CCDC171: variants seen among roughly 807,000 people sequenced by gnomAD.
The protein encoded by CCDC171 is coiled-coil domain-containing protein 171.
A neutral mutation model predicts 168.2 loss-of-function variants in CCDC171; 177 were observed. The observed-to-expected ratio is 1.05, with a 90% CI of 0.93 to 1.19. The LOEUF (loss-of-function observed/expected upper bound fraction) is 1.19, where lower values mean the gene tolerates loss of function less well. Ranked by LOEUF, CCDC171 falls within the 50% of genes most tolerant of loss-of-function variation. CCDC171 has a pLI of 0.00. For synonymous variants in CCDC171, 687 were observed against 540.8 expected, an observed-to-expected ratio of 1.27 and a Z score of -3.75; for missense variants, 1,991 against 1,539.0, an observed-to-expected ratio of 1.29 and a Z score of -4.91.
intron 7 of CCDC171, among the ~76,000 whole-genome samples, chr9:15,656,297 G>A (rs2047926181): frequency 1.3e-5 from 2 of 151,792 alleles, no homozygotes; most frequent in Non-Finnish European, 2.9e-5. Flanking sequence ...ATTCCAGCCT[G>A]GGTGACAGAG....
chr9:15,988,785 C>T (rs1425087182), intron 3 of CCDC171, among the ~76,000 whole-genome samples: 4 of 152,194 alleles, frequency 2.6e-5, no homozygotes, highest in South Asian at 4.1e-4. Context: ...GATTATATCC[C>T]GCGCCTGGCT....
At chr9:15,856,168 AT>A (rs1171389352) in intron 23 of CCDC171, among the ~76,000 whole-genome samples, 1 of 151,882 alleles carries the variant, frequency 6.6e-6, no homozygotes, top group East Asian at 1.9e-4. Flanking sequence ...AAAAATTTTA[AT>A]TTTATTGTGG....
At chr9:15,664,975 G>C (rs1384891582) in intron 8 of CCDC171, among the ~76,000 whole-genome samples, 1 of 152,048 alleles carries the variant, frequency 6.6e-6, no homozygotes, top group Non-Finnish European at 1.5e-5. Context: ...GTTTTAAAAT[G>C]TCTTTTTATG....
chr9:15,932,183 C>T (rs1054832108), intron 25 of CCDC171, among the ~76,000 whole-genome samples: 1 of 151,832 alleles, frequency 6.6e-6, no homozygotes, highest in African/African-American at 2.4e-5. Flanking sequence ...TGCATTACAT[C>T]TATAGATCAC....
chr9:15,910,732 T>G (rs1479012956), intron 24 of CCDC171, among the ~76,000 whole-genome samples: 1 of 151,892 alleles, frequency 6.6e-6, no homozygotes, highest in Non-Finnish European at 1.5e-5. Flanking sequence ...GTGTGTGATG[T>G]TCCCCTCCCT....
At chr9:16,084,711 T>C in the CCDC171 span, among the ~76,000 whole-genome samples, 1 of 152,120 alleles carries the variant, frequency 6.6e-6, no homozygotes, top group African/African-American at 2.4e-5. Flanking sequence ...TGAGATAAAC[T>C]CTGTCAATTC....
chr9:15,815,231 G>A (rs985351066), intron 21 of CCDC171, among the ~76,000 whole-genome samples: 12 of 151,988 alleles, frequency 7.9e-5, no homozygotes, highest in African/African-American at 1.5e-4. Context: ...CTAGCCGCCC[G>A]TATCATTCCT....
chr9:15,576,975 A>AGGCT (rs1178591508), intron 3 of CCDC171, among the ~76,000 whole-genome samples: 1 of 152,172 alleles, frequency 6.6e-6, no homozygotes, highest in East Asian at 1.9e-4. Context: ...CAGAAAGGAG[A>AGGCT]GGCTGCTTTT....
chr9:15,968,196 G>A (rs923377421), intron 25 of CCDC171, among the ~76,000 whole-genome samples: 1 of 152,204 alleles, frequency 6.6e-6, no homozygotes, highest in East Asian at 1.9e-4. Flanking sequence ...TTCACATGAC[G>A]CCTAGCTTTT....
rs557415175 is a variant in CCDC171, at chr9:15,679,170, C to T, written c.1215+274C>T. 9.9e-5 allele frequency among the ~76,000 whole-genome samples: 15 copies of T among 151,170 alleles called. No homozygotes were observed. In the South Asian group the frequency reaches 1.9e-3, roughly 19 times the overall value. ...ATGTATTCAAATGTTTTTTTTTTATCGTGCATAAAACAGTATTACTTAGAT... is the reference window on the plus strand; with the variant it reads ...ATGTATTCAAATGTTTTTTTTTTATTGTGCATAAAACAGTATTACTTAGAT... On this transcript the variant is annotated intron_variant, in intron 10 of 25. Transcript: ENST00000380701.
At chr9:15,835,485 T>C (rs1013984220) in intron 21 of CCDC171, among the ~76,000 whole-genome samples, 1 of 152,190 alleles carries the variant, frequency 6.6e-6, no homozygotes, top group Admixed American at 6.5e-5. Flanking sequence ...TGGAGTACAA[T>C]GGCGTGATCT....
chr9:15,871,010 TTTC>T (rs2062016267), intron 23 of CCDC171, among the ~76,000 whole-genome samples: 1 of 151,460 alleles, frequency 6.6e-6, no homozygotes, highest in Non-Finnish European at 1.5e-5. Context: ...TTTTATTTAT[TTTC>T]TTCTCCTGTT....
At chr9:15,784,083 ACCTG>A (rs1429288594) in intron 20 of CCDC171, among the ~76,000 whole-genome samples, 1 of 152,126 alleles carries the variant, frequency 6.6e-6, no homozygotes, top group Non-Finnish European at 1.5e-5. Flanking sequence ...GTCATGTAAG[ACCTG>A]CCTAGGAGAA....
chr9:16,029,682 G>A (rs1225881738), intron 6 of CCDC171, among the ~76,000 whole-genome samples: 1 of 152,230 alleles, frequency 6.6e-6, no homozygotes, highest in South Asian at 2.1e-4. Flanking sequence ...GTCAGGGTTA[G>A]AGAGGAAAAG....
At chr9:15,637,422 T>C (rs1163990583) in intron 7 of CCDC171, among the ~76,000 whole-genome samples, 2 of 152,060 alleles carry the variant, frequency 1.3e-5, no homozygotes, top group Non-Finnish European at 2.9e-5. Flanking sequence ...TATAATATTA[T>C]TATAGACTGG....
upstream of CCDC171, chr9:15,553,035 T>G (rs1232521708): frequency 4.6e-5 from 7 of 152,658 alleles, no homozygotes; most frequent in African/African-American, 1.7e-4. Context: ...TGAGTTGGGC[T>G]GACCTGTGAA....
chr9:15,980,010 A>T (rs1211264808), intron 3 of CCDC171, among the ~76,000 whole-genome samples: 1 of 152,058 alleles, frequency 6.6e-6, no homozygotes, highest in African/African-American at 2.4e-5. Context: ...GTTTTTGATT[A>T]TTTAATCTCT....
intron 6 of CCDC171, among the ~76,000 whole-genome samples, chr9:15,595,904 A>G (rs1403404562): frequency 1.3e-5 from 2 of 152,096 alleles, no homozygotes; most frequent in African/African-American, 4.8e-5. Flanking sequence ...GCCAGTGATG[A>G]TGAGCATTTT....
chr9:16,104,770 A>G, the CCDC171 span, among the ~76,000 whole-genome samples: 2 of 151,594 alleles, frequency 1.3e-5, no homozygotes, highest in Non-Finnish European at 2.9e-5. Context: ...TTCATTGAAC[A>G]TGTACTATAT....
Sources: allele counts gnomAD v4.1 joint callset (sites outside exome capture counted in the v4.1 genomes callset), GRCh38; gene constraint gnomAD v4.1.1; transcripts MANE v1.5; gene names NCBI Gene and HGNC (gene_info 2026-07-23, HGNC 2026-07-21).